Variants in COL5A2 observed in about 807,000 individuals in gnomAD.
COL5A2 encodes the protein collagen type V alpha 2 chain.
A neutral mutation model predicts 208.2 loss-of-function variants in COL5A2; 23 were observed. That is an observed-to-expected ratio of 0.11 (90% confidence interval 0.08 to 0.16). The LOEUF (loss-of-function observed/expected upper bound fraction) is 0.16, where lower values mean the gene tolerates loss of function less well. COL5A2 is among the 10% of genes least tolerant of loss of function. The pLI is 1.00. For missense variants in COL5A2, 1,590 were observed against 1,956.4 expected, an observed-to-expected ratio of 0.81 and a Z score of 3.53; for synonymous variants, 625 against 628.5, an observed-to-expected ratio of 0.99 and a Z score of 0.08.
upstream of COL5A2, among the ~76,000 whole-genome samples, chr2:189,225,880 C>A (rs1519180): frequency 6.6e-6 from 1 of 152,126 alleles, no homozygotes; most frequent in Non-Finnish European, 1.5e-5. Flanking sequence ...AGTACAGAAC[C>A]AATATGTGCT....
intron 1 of COL5A2, among the ~76,000 whole-genome samples, chr2:189,159,363 T>C (rs1222355128): frequency 6.6e-6 from 1 of 152,194 alleles, no homozygotes. Flanking sequence ...ACTTGTAATG[T>C]CTAACATGGT....
At chr2:189,390,675 T>C in the COL5A2 span, among the ~76,000 whole-genome samples, 1 of 152,212 alleles carries the variant, frequency 6.6e-6, no homozygotes, top group Non-Finnish European at 1.5e-5. Flanking sequence ...TAGGAACATG[T>C]GGTATGGACC....
At chr2:189,327,899 T>A in the COL5A2 span, among the ~76,000 whole-genome samples, 1 of 152,226 alleles carries the variant, frequency 6.6e-6, no homozygotes, top group East Asian at 1.9e-4. Context: ...GCATGAAATA[T>A]GTTGTAATTT....
chr2:189,365,263 G>T, the COL5A2 span, among the ~76,000 whole-genome samples: 2 of 152,308 alleles, frequency 1.3e-5, no homozygotes, highest in African/African-American at 4.8e-5. Context: ...GTCATGGTTA[G>T]TTATTCGCAG....
the COL5A2 span, among the ~76,000 whole-genome samples, chr2:189,426,620 C>G: frequency 2.3e-4 from 35 of 152,332 alleles, no homozygotes; most frequent in African/African-American, 7.7e-4. Flanking sequence ...AGCATGTGTC[C>G]TCAACCTTGG....
intron 3 of COL5A2, among the ~76,000 whole-genome samples, chr2:189,102,802 G>T (rs73051217): frequency 0.049 from 7,407 of 152,136 alleles, 228 homozygotes; most frequent in East Asian, 0.1. Flanking sequence ...TATCAAAGTG[G>T]ATATAAACGA....
In COL5A2 at chr2:189,056,421, A is replaced by G. The variant is rs527447173; in HGVS notation, c.2391+552T>C. 2.8e-4 allele frequency among the ~76,000 whole-genome samples: 42 copies of G among 152,364 alleles called. No homozygotes were observed. The East Asian group carries it at 7.3e-3, about 27-fold the overall frequency. On this transcript the variant is annotated intron_variant, in intron 35 of 53. Transcript: ENST00000374866. ...AAATGCATTCTAATTTCAAAGACCTAACGCTTGTTAAATGTCAATTTCTGA... is the reference window on the plus strand; with the variant it reads ...AAATGCATTCTAATTTCAAAGACCTGACGCTTGTTAAATGTCAATTTCTGA...
the COL5A2 span, among the ~76,000 whole-genome samples, chr2:189,252,805 A>C: frequency 2.6e-5 from 4 of 152,120 alleles, no homozygotes; most frequent in African/African-American, 4.8e-5. Flanking sequence ...ATAAAAAATA[A>C]AAAGACTCTA....
At chr2:189,098,880 T>C in intron 4 of COL5A2, 121 bp from the exon 5 acceptor site, 1 of 698,798 alleles carries the variant, frequency 1.4e-6, no homozygotes. Flanking sequence ...ATGGATGTTG[T>C]CAATTGATGA....
chr2:189,328,538 C>T, the COL5A2 span, among the ~76,000 whole-genome samples: 128 of 152,272 alleles, frequency 8.4e-4, no homozygotes, highest in South Asian at 1.9e-3. Context: ...TTAATTCTCC[C>T]CTTCCATGTG....
chr2:189,042,722 T>C lies in COL5A2; in HGVS notation c.3523A>G (p.Arg1175Gly). 1 of 1,607,310 alleles carries C rather than the reference T, an allele frequency of 6.2e-7. No individual in the cohort carries two copies. Among genetic ancestry groups the C allele is most frequent in the Non-Finnish European group, 8.5e-7 (1 of 1,176,026 alleles). The part of the protein sequence containing the change: ...SAGIPGPFGP[R>G]GPPGPVGPSG... ...ACTTACTACTTTTTGTTACTTACTC[T>C]TGGGCCAAATGGTCCAGGGATTCCA... The change falls in exon 49 of 54, where the codon AGA (arginine) becomes GGA (glycine). Residue 1175 changes from arginine to glycine, a missense_variant and splice_region_variant. Physicochemically the swap from Arg to Gly is moderately radical, Grantham distance 125 (BLOSUM62 -2). Coordinates refer to ENST00000374866, the MANE Select transcript of COL5A2 (RefSeq NM_000393.5).
chr2:189,189,439 C>G (rs1410268152), intron 1 of COL5A2, among the ~76,000 whole-genome samples: 3 of 152,110 alleles, frequency 2.0e-5, no homozygotes, highest in African/African-American at 4.8e-5. Flanking sequence ...ATTCCAGTTA[C>G]TTGGGAGGCC....
intron 10 of COL5A2, 23 bp downstream of exon 10, chr2:189,085,696 C>G: frequency 6.2e-7 from 1 of 1,609,482 alleles, no homozygotes; most frequent in Non-Finnish European, 8.5e-7. Context: ...GTAACTGGGT[C>G]TACATGCTTA....
At chr2:189,282,508 C>T in the COL5A2 span, among the ~76,000 whole-genome samples, 12 of 152,260 alleles carry the variant, frequency 7.9e-5, no homozygotes, top group Admixed American at 2.0e-4. Context: ...CAGTCACTTG[C>T]TCCCAAATGT....
intron 45 of COL5A2, 116 bp downstream of exon 45, chr2:189,048,093 C>T: frequency 1.1e-6 from 1 of 892,534 alleles, no homozygotes; most frequent in Non-Finnish European, 1.8e-6. Flanking sequence ...AGTTGTTATT[C>T]AGAAAAATCA....
intron 52 of COL5A2, among the ~76,000 whole-genome samples, chr2:189,035,567 T>C (rs73981488): frequency 0.057 from 8,567 of 150,482 alleles, 257 homozygotes; most frequent in African/African-American, 0.096. Flanking sequence ...GTTTTCCATG[T>C]GCTAACAAAA....
chr2:189,058,365 T>A, intron 33 of COL5A2, 64 bp downstream of exon 33: 1 of 1,193,052 alleles, frequency 8.4e-7, no homozygotes, highest in Non-Finnish European at 1.3e-6. Flanking sequence ...TCTCACACCA[T>A]CATGCGTTTA....
chr2:189,222,044 G>T (rs533542716), intron 1 of COL5A2, among the ~76,000 whole-genome samples: 1 of 152,130 alleles, frequency 6.6e-6, no homozygotes, highest in East Asian at 1.9e-4. Context: ...AAATTATAGG[G>T]CATTACTAGA....
chr2:189,275,901 C>T, the COL5A2 span, among the ~76,000 whole-genome samples: 1 of 152,074 alleles, frequency 6.6e-6, no homozygotes, highest in Non-Finnish European at 1.5e-5. Flanking sequence ...TTTCTAAATA[C>T]CCCCCAACTA....
Sources: gnomAD v4.1 joint callset for allele counts (sites outside exome capture counted in the v4.1 genomes callset) on GRCh38, gnomAD v4.1.1 for gene constraint, MANE v1.5 for transcripts, NCBI Gene and HGNC (gene_info 2026-07-23, HGNC 2026-07-21) for gene names.